PDE5A: variants seen among roughly 807,000 people sequenced by gnomAD.
PDE5A encodes the protein cGMP-specific 3',5'-cyclic phosphodiesterase.
Under a neutral mutation model 110.2 loss-of-function variants are expected in PDE5A, and 67 were observed. That is an observed-to-expected ratio of 0.61 (90% CI 0.50 to 0.75). The LOEUF is 0.75. Ranked by LOEUF, PDE5A falls within the 30% of genes least tolerant of loss-of-function variation. The probability of loss-of-function intolerance (pLI) is 0.00; values close to 1 mark genes in which losing one functional copy is unlikely to be tolerated. For missense variants in PDE5A, 862 were observed against 1,045.1 expected (o/e 0.82, Z 2.42); for synonymous variants, 328 against 351.2 (o/e 0.93, Z 0.74).
At position 119,542,479 on chromosome 4, in the gene PDE5A, T is replaced by C; in HGVS notation, c.1552A>G (p.Lys518Glu). ...MYEAVERAMA[K>E]QMVTLEVLSY... ...CCCACCTCCAATGTGACCATTTGCTTGGCCATGGCTCTCTCCACTGCTTCA... is the reference window on the plus strand; with the variant it reads ...CCCACCTCCAATGTGACCATTTGCTCGGCCATGGCTCTCTCCACTGCTTCA... Residue 518 changes from lysine (K) to glutamate (E), a missense_variant, in exon 10 of 21, where the codon AAG becomes GAG. Coordinates refer to ENST00000354960, the MANE Select transcript of PDE5A (RefSeq NM_001083.4). 1.2e-6 allele frequency: 2 copies of C among 1,613,854 alleles called. No homozygotes were observed. The highest frequency in any genetic ancestry group is 8.5e-7 in the Non-Finnish European group (1 of 1,179,840).
At chr4:119,613,679 G>A (rs952521126) in intron 1 of PDE5A, among the ~76,000 whole-genome samples, 1 of 152,024 alleles carries the variant, frequency 6.6e-6, no homozygotes, top group African/African-American at 2.4e-5. Flanking sequence ...TCACTTCGAT[G>A]GTCTAGGATA....
intron 11 of PDE5A, among the ~76,000 whole-genome samples, chr4:119,532,659 T>C (rs1215066977): frequency 6.6e-6 from 1 of 152,096 alleles, no homozygotes; most frequent in Non-Finnish European, 1.5e-5. Context: ...AAGCATGTGT[T>C]TGTAGAAAAT....
rs566315789 is a variant in PDE5A at position 119,547,373 on chromosome 4, G to C, written c.1397-4739C>G. Among the ~76,000 whole-genome samples the C allele has an allele frequency of 3.3e-5, 5 of 151,204 alleles. No individual in the cohort carries two copies. In the East Asian group the frequency reaches 9.7e-4, roughly 29 times the overall value. ...CGTTGGAGGTTCATCTATTATTATT[G>C]TGTTTGCCCATTATCTCTTATTTCT... On this transcript the variant is annotated intron_variant, in intron 9 of 20. Transcript: ENST00000354960.
At chr4:119,611,654 C>T (rs529070972) in intron 1 of PDE5A, among the ~76,000 whole-genome samples, 47 of 152,252 alleles carry the variant, frequency 3.1e-4, no homozygotes, top group African/African-American at 7.2e-4. Flanking sequence ...ATGTTGCTTA[C>T]GGATATTTTC....
intron 2 of PDE5A, among the ~76,000 whole-genome samples, chr4:119,601,829 C>G (rs1029796866): frequency 4.6e-5 from 7 of 152,118 alleles, no homozygotes; most frequent in African/African-American, 1.7e-4. Flanking sequence ...AAGGTGTCAG[C>G]ATTAACATAT....
chr4:119,508,405 A>C (rs934079468), intron 15 of PDE5A, among the ~76,000 whole-genome samples: 3 of 152,168 alleles, frequency 2.0e-5, no homozygotes, highest in Middle Eastern at 6.8e-3. Context: ...TAAAATACAC[A>C]GACCATGCAC....
At chr4:119,616,805 A>G (rs1729958564) in intron 1 of PDE5A, among the ~76,000 whole-genome samples, 1 of 152,190 alleles carries the variant, frequency 6.6e-6, no homozygotes. Flanking sequence ...CAACTTTTAC[A>G]ATAGTTTTAA....
chr4:119,499,121 T>TA (rs1379985510), intron 20 of PDE5A, among the ~76,000 whole-genome samples: 1 of 152,214 alleles, frequency 6.6e-6, no homozygotes, highest in African/African-American at 2.4e-5. Context: ...AATGGTTTCA[T>TA]ACAATGTACT....
intron 3 of PDE5A, chr4:119,569,849 G>A (rs1056661320): frequency 6.6e-6 from 1 of 152,432 alleles, no homozygotes; most frequent in African/African-American, 2.4e-5. Flanking sequence ...TAATCCAGAG[G>A]TGATTTACAG....
Position 119,596,031 on chromosome 4 carries a change from G to A in PDE5A, c.831+492C>T, listed in dbSNP as rs2892868. Among the ~76,000 whole-genome samples the A allele has an allele frequency of 1.2e-4, 19 of 152,118 alleles. No individual in the cohort carries two copies. In the East Asian group the frequency reaches 2.9e-3, roughly 23 times the overall value. ...AACAGAATCCAAATCTTCTAGTTAG[G>A]TGAAATATAAACTAACATATTTTCA... On this transcript the variant is annotated intron_variant, in intron 3 of 20. Coordinates refer to ENST00000354960, the MANE Select transcript of PDE5A (RefSeq NM_001083.4).
intron 3 of PDE5A, among the ~76,000 whole-genome samples, chr4:119,595,786 A>G (rs1454300721): frequency 6.6e-6 from 1 of 152,128 alleles, no homozygotes; most frequent in African/African-American, 2.4e-5. Context: ...TGCATGAGCT[A>G]ATTTCCATAA....
intron 11 of PDE5A, among the ~76,000 whole-genome samples, chr4:119,537,525 C>G (rs1335480808): frequency 6.6e-6 from 1 of 152,070 alleles, no homozygotes; most frequent in Non-Finnish European, 1.5e-5. Context: ...ACTACCACTT[C>G]TCTACCTTCT....
At chr4:119,520,883 TTAC>T (rs1726103617) in intron 13 of PDE5A, 49 bp downstream of exon 13, 21 of 1,470,960 alleles carry the variant, frequency 1.4e-5, no homozygotes, top group South Asian at 1.3e-5. Flanking sequence ...GCTATAAATT[TTAC>T]TACTAAGCAA....
intron 3 of PDE5A, among the ~76,000 whole-genome samples, chr4:119,590,717 T>G (rs1728935789): frequency 6.6e-6 from 1 of 152,186 alleles, no homozygotes; most frequent in African/African-American, 2.4e-5. Context: ...TTGAAATACT[T>G]TACAAGAATA....
At chr4:119,534,250 T>G (rs1375485169) in intron 11 of PDE5A, among the ~76,000 whole-genome samples, 1 of 152,122 alleles carries the variant, frequency 6.6e-6, no homozygotes, top group Non-Finnish European at 1.5e-5. Context: ...CACTGAGTTG[T>G]GGACTGGTAC....
In PDE5A at chr4:119,501,121, A is replaced by AT. The variant is rs1725310252; in HGVS notation, c.2490+48dup. The AT allele has an allele frequency of 6.0e-6, 7 of 1,160,684 alleles. No homozygotes were observed. The East Asian group carries it at 1.6e-4, about 27-fold the overall frequency. The allele number at this position is 1,160,684 out of a possible 1,614,324, so 71.9% of individuals were successfully genotyped here. A position where few individuals can be genotyped will look rare whatever the true frequency, so the allele number is the denominator to read the frequency against. The stretch of plus-strand genomic sequence containing the variant: ...TTAATCTCTTCAATTTTAGGTTCTA[A>AT]TTCACAACAGTCCAAGTTTAGCAAG... On this transcript the variant is annotated intron_variant, in intron 20 of 20. Transcript: ENST00000354960.
At chr4:119,510,067 G>C (rs951219384) in intron 15 of PDE5A, among the ~76,000 whole-genome samples, 2 of 82,844 alleles carry the variant, frequency 2.4e-5, no homozygotes, top group Admixed American at 1.2e-4. Context: ...AGAGGAAGGA[G>C]TTAGAAGAAA....
chr4:119,596,720 C>A, intron 2 of PDE5A, 108 bp from the exon 3 acceptor site: 1 of 512,544 alleles, frequency 2.0e-6, no homozygotes. Context: ...TACCTTGTTA[C>A]TCTGAGTAAC....
chr4:119,557,420 C>G (rs541504615), intron 7 of PDE5A, among the ~76,000 whole-genome samples: 1 of 152,254 alleles, frequency 6.6e-6, no homozygotes, highest in African/African-American at 2.4e-5. Flanking sequence ...AAGACCTGGA[C>G]TAACTCACAC....
Sources: allele counts gnomAD v4.1 joint callset (sites outside exome capture counted in the v4.1 genomes callset), GRCh38; gene constraint gnomAD v4.1.1; transcripts MANE v1.5; gene names NCBI Gene and HGNC (gene_info 2026-07-23, HGNC 2026-07-21).